The following NDEL1 variants were observed in gnomAD, a reference collection of about 807,000 sequenced individuals.
NDEL1 encodes nuclear distribution protein nudE-like 1.
In NDEL1, 9 loss-of-function variants were observed where a neutral mutation model predicts 45.7. That is an observed-to-expected ratio of 0.20 (90% confidence interval 0.12 to 0.34). The LOEUF (loss-of-function observed/expected upper bound fraction) is 0.34. Ranked by LOEUF, NDEL1 falls within the 10% of genes least tolerant of loss-of-function variation. NDEL1 has a pLI of 1.00. For synonymous variants in NDEL1, 133 were observed against 158.6 expected, an observed-to-expected ratio of 0.84 and a Z score of 1.21; for missense variants, 306 against 406.2, an observed-to-expected ratio of 0.75 and a Z score of 2.12.
Position 8,455,597 on chromosome 17 carries a change from G to C in NDEL1, c.792+710G>C, listed in dbSNP as rs1248378721. On this transcript the variant is annotated intron_variant, in intron 7 of 8. Transcript: ENST00000334527. Reference sequence around the variant, plus strand: ...AGCTACTTGGGAGGCTGAGGCAAGAGAATCACTTGAACCCAGGAGGCGGAG... The same window carrying C: ...AGCTACTTGGGAGGCTGAGGCAAGACAATCACTTGAACCCAGGAGGCGGAG... Among the ~76,000 whole-genome samples, 6 of 149,240 alleles carry C rather than the reference G, an allele frequency of 4.0e-5. No individual in the cohort carries two copies. The East Asian group carries it at 9.9e-4, about 25-fold the overall frequency.
At chr17:8,422,596 G>A (rs895979658) in intron 1 of NDEL1, among the ~76,000 whole-genome samples, 1 of 152,164 alleles carries the variant, frequency 6.6e-6, no homozygotes, top group African/African-American at 2.4e-5. Flanking sequence ...GGATGTTTCA[G>A]GTCTGCAATT....
At chr17:8,413,561 C>G (rs1908473438) in intron 1 of NDEL1, among the ~76,000 whole-genome samples, 1 of 152,180 alleles carries the variant, frequency 6.6e-6, no homozygotes, top group Non-Finnish European at 1.5e-5. Flanking sequence ...GAACTGCCCA[C>G]ATAGCATTTT....
At chr17:8,459,828 GA>G (rs1911084283) in intron 7 of NDEL1, among the ~76,000 whole-genome samples, 180 bp from the exon 8 acceptor site, 1 of 152,192 alleles carries the variant, frequency 6.6e-6, no homozygotes, top group African/African-American at 2.4e-5. Context: ...GAGGTCATTA[GA>G]AAGGGAGCAT....
intron 8 of NDEL1, chr17:8,463,305 CCTTT>C (rs752366018): frequency 1.4e-4 from 228 of 1,606,646 alleles, no homozygotes; most frequent in East Asian, 5.4e-4. Context: ...AATATGTTCT[CCTTT>C]CTTTTATTAG....
upstream of NDEL1, among the ~76,000 whole-genome samples, chr17:8,434,764 A>G (rs1909155458): frequency 6.6e-6 from 1 of 151,928 alleles, no homozygotes; most frequent in Admixed American, 6.6e-5. Flanking sequence ...TACTAAAAAT[A>G]TATAAACATT....
chr17:8,421,822 T>G (rs1770183018), intron 1 of NDEL1, among the ~76,000 whole-genome samples: 1 of 152,294 alleles, frequency 6.6e-6, no homozygotes, highest in South Asian at 2.1e-4. Context: ...AGGAGAGGGC[T>G]GACTCTGCCA....
intron 2 of NDEL1, among the ~76,000 whole-genome samples, 168 bp from the exon 3 acceptor site, chr17:8,445,543 T>C (rs1186177280): frequency 6.6e-6 from 1 of 152,242 alleles, no homozygotes; most frequent in Non-Finnish European, 1.5e-5. Context: ...GTCGTTTTCA[T>C]TGAACCCTGA....
chr17:8,420,675 C>A (rs1597511619), intron 1 of NDEL1, among the ~76,000 whole-genome samples: 1 of 152,182 alleles, frequency 6.6e-6, no homozygotes, highest in African/African-American at 2.4e-5. Context: ...ACAGGGGAAG[C>A]AAAGGGAAGC....
At chr17:8,420,702 TG>T (rs968043209) in intron 1 of NDEL1, among the ~76,000 whole-genome samples, 1 of 152,236 alleles carries the variant, frequency 6.6e-6, no homozygotes, top group Non-Finnish European at 1.5e-5. Context: ...TATAAGCCCT[TG>T]TAAGTCTCAT....
upstream of NDEL1, among the ~76,000 whole-genome samples, chr17:8,430,868 G>A (rs560404667): frequency 2.6e-5 from 4 of 152,350 alleles, no homozygotes; most frequent in South Asian, 8.3e-4. Context: ...AAAGGTTGCT[G>A]ATGGTTAATT....
At chr17:8,427,809 G>C (rs2151697255) in intron 1 of NDEL1, among the ~76,000 whole-genome samples, 1 of 152,320 alleles carries the variant, frequency 6.6e-6, no homozygotes. Context: ...GGACTGCCCA[G>C]CAAGCCATTT....
chr17:8,424,815 T>C (rs1908790850), intron 1 of NDEL1, among the ~76,000 whole-genome samples: 1 of 152,194 alleles, frequency 6.6e-6, no homozygotes, highest in Non-Finnish European at 1.5e-5. Context: ...CCTTTGTTTT[T>C]TTAATATAAA....
intron 7 of NDEL1, among the ~76,000 whole-genome samples, chr17:8,458,762 T>G (rs1438949649): frequency 2.6e-5 from 4 of 152,180 alleles, no homozygotes; most frequent in Non-Finnish European, 4.4e-5. Flanking sequence ...AGTCTCACTC[T>G]GTCGCCCAGG....
At chr17:8,437,467 A>G (rs1172739758) in intron 1 of NDEL1, among the ~76,000 whole-genome samples, 1 of 152,214 alleles carries the variant, frequency 6.6e-6, no homozygotes, top group Non-Finnish European at 1.5e-5. Flanking sequence ...TTTTGTTTTC[A>G]TTTTAAACCA....
At chr17:8,422,947 T>G (rs1597512398) in intron 1 of NDEL1, among the ~76,000 whole-genome samples, 1 of 152,050 alleles carries the variant, frequency 6.6e-6, no homozygotes, top group Non-Finnish European at 1.5e-5. Context: ...TGTTGGCTGG[T>G]CTTGAACTCC....
intron 8 of NDEL1, chr17:8,461,501 C>T (rs1161763728): frequency 2.0e-5 from 3 of 152,260 alleles, no homozygotes; most frequent in Non-Finnish European, 2.9e-5. Context: ...GATCCTCCTG[C>T]CTCAGCCTCC....
At chr17:8,466,852 TC>T in intron 8 of NDEL1, 77 bp from the exon 9 acceptor site, 1 of 1,379,108 alleles carries the variant, frequency 7.3e-7, no homozygotes, top group Non-Finnish European at 1.0e-6. Flanking sequence ...CAGATTAATT[TC>T]CTATTGTGTG....
At chr17:8,466,793 C>T in intron 8 of NDEL1, 137 bp from the exon 9 acceptor site, 1 of 793,552 alleles carries the variant, frequency 1.3e-6, no homozygotes, top group Non-Finnish European at 2.0e-6. Flanking sequence ...CAGCCAGTGC[C>T]CCTTGGGCCA....
intron 1 of NDEL1, among the ~76,000 whole-genome samples, chr17:8,442,891 A>G (rs1245050779): frequency 6.8e-6 from 1 of 146,182 alleles, no homozygotes; most frequent in Non-Finnish European, 1.5e-5. Flanking sequence ...CCGGGTTCAC[A>G]CCATTCTCCT....
Sources: allele counts gnomAD v4.1 joint callset (sites outside exome capture counted in the v4.1 genomes callset), GRCh38; gene constraint gnomAD v4.1.1; transcripts MANE v1.5; gene names NCBI Gene and HGNC (gene_info 2026-07-23, HGNC 2026-07-21).